The following ROPN1B variants were observed in gnomAD, a reference collection of about 807,000 sequenced individuals.
ROPN1B encodes rhophilin associated tail protein 1B, also known as ropporin-1B.
In ROPN1B, 13 loss-of-function variants were observed where a neutral mutation model predicts 23.7. The ratio of observed to expected loss-of-function variants is 0.55; its 90% confidence interval spans 0.36 to 0.87. ROPN1B has a LOEUF of 0.87. Among genes scored for constraint, ROPN1B ranks in the 40% least tolerant of loss-of-function variants. The probability of loss-of-function intolerance (pLI) is 0.01; values close to 1 mark genes in which losing one functional copy is unlikely to be tolerated. For missense variants in ROPN1B, 183 were observed against 249.2 expected, an observed-to-expected ratio of 0.73 and a Z score of 1.79; for synonymous variants, 67 against 100.4, an observed-to-expected ratio of 0.67 and a Z score of 1.99.
Position 125,983,411 on chromosome 3 carries a change from G to A in ROPN1B, c.*91G>A. 1.2e-6 allele frequency: 1 copy of A among 819,084 alleles called. No homozygotes were observed. Among genetic ancestry groups the A allele is most frequent in the South Asian group, 1.4e-5 (1 of 70,896 alleles). 50.7% of individuals were successfully genotyped at this position (819,084 alleles called of 1,614,324 possible). A position where few individuals can be genotyped will look rare whatever the true frequency, so the allele number is the denominator to read the frequency against. The stretch of plus-strand genomic sequence containing the variant: ...TATACCACCTAAAATCAATTTTCTT[G>A]TACAACTGGTACACACTAATAAACA... On this transcript the variant is annotated 3_prime_UTR_variant, in exon 7 of 7. Transcript: ENST00000514116.
rs776279461 is a variant in ROPN1B at position 125,977,164 on chromosome 3, T to C, written c.395T>C (p.Val132Ala). ...GCCCTTGCTTGCAGCGCTCTGGGAG[T>C]TGTAAGTTAGCTTGACTGTTTTTTG... is the stretch of plus-strand genomic sequence containing the variant. Reference protein sequence around the residue: ...FLALACSALGVTITKTLKIVC... With the variant: ...FLALACSALGATITKTLKIVC... Residue 132 changes from valine (V) to alanine (A), a missense_variant and splice_region_variant, in exon 5 of 7, where the codon GTT becomes GCT. Val to Ala is a moderately conservative substitution (Grantham distance 64). This residue lies in a region of ROPN1B where 80 missense variants were observed against 98.0 expected (regional missense o/e 0.82). Transcript: ENST00000514116. 21 of 1,153,440 alleles carry C rather than the reference T, an allele frequency of 1.8e-5. No individual in the cohort carries two copies. In the East Asian group the frequency reaches 4.9e-4, roughly 27 times the overall value. The allele number at this position is 1,153,440 out of a possible 1,614,324, so 71.5% of individuals were successfully genotyped here. A position where few individuals can be genotyped will look rare whatever the true frequency, so the allele number is the denominator to read the frequency against.
At chr3:125,969,697 C>A (rs1206841124) in intron 1 of ROPN1B, 1 of 152,186 alleles carries the variant, frequency 6.6e-6, no homozygotes, top group African/African-American at 2.4e-5. Flanking sequence ...AGCCCTCCAC[C>A]GAGGAGCCAC....
chr3:125,974,355 G>A (rs909867500), intron 3 of ROPN1B, among the ~76,000 whole-genome samples: 5 of 151,638 alleles, frequency 3.3e-5, no homozygotes, highest in East Asian at 1.9e-4. Flanking sequence ...AGTGGTGACC[G>A]GCAGTTACTC....
chr3:125,981,467 C>G (rs1353522327), intron 5 of ROPN1B, among the ~76,000 whole-genome samples: 2 of 152,134 alleles, frequency 1.3e-5, no homozygotes, highest in Non-Finnish European at 2.9e-5. Flanking sequence ...CCGTACATCA[C>G]CAGTTTCAGT....
intron 3 of ROPN1B, among the ~76,000 whole-genome samples, chr3:125,974,534 C>G (rs1938336482): frequency 6.6e-6 from 1 of 152,160 alleles, no homozygotes; most frequent in African/African-American, 2.4e-5. Context: ...AAAAGCAGGG[C>G]GGAACAGAAA....
At chr3:125,977,216 G>A (rs1938449019) in intron 5 of ROPN1B, 51 bp downstream of exon 5, 1 of 650,010 alleles carries the variant, frequency 1.5e-6, no homozygotes, top group African/African-American at 1.9e-5. Flanking sequence ...CTCCCTCTGG[G>A]CCTGGAAGGG....
intron 5 of ROPN1B, among the ~76,000 whole-genome samples, chr3:125,980,658 T>G (rs1185210194): frequency 6.6e-6 from 1 of 152,168 alleles, no homozygotes; most frequent in Non-Finnish European, 1.5e-5. Context: ...CTTTGACATA[T>G]GAATTTTAGG....
At chr3:125,981,020 C>A (rs1302020167) in intron 5 of ROPN1B, among the ~76,000 whole-genome samples, 4 of 150,916 alleles carry the variant, frequency 2.7e-5, no homozygotes. Flanking sequence ...AGGTGGCCTG[C>A]CTCAAACTCA....
In ROPN1B at chr3:125,979,425, G is replaced by A. The variant is rs1410030621; in HGVS notation, c.396+2260G>A. 2.0e-5 allele frequency among the ~76,000 whole-genome samples: 3 copies of A among 152,098 alleles called. No individual in the cohort carries two copies. In the East Asian group the frequency reaches 5.8e-4, roughly 29 times the overall value. On this transcript the variant is annotated intron_variant, in intron 5 of 6. Coordinates refer to ENST00000514116, the MANE Select transcript of ROPN1B (RefSeq NM_001308313.2). ...AGTAGGGCCTCTGGGAGTTGATTAG[G>A]TCATGAGGGTGGAGCCCTCATGAAT... is the stretch of plus-strand genomic sequence containing the variant.
chr3:125,978,565 G>A (rs1239687049), intron 5 of ROPN1B, among the ~76,000 whole-genome samples: 1 of 152,214 alleles, frequency 6.6e-6, no homozygotes, highest in Non-Finnish European at 1.5e-5. Context: ...GGACCACAGA[G>A]CAGTCGTTTC....
At chr3:125,974,421 C>T (rs377763399) in intron 3 of ROPN1B, among the ~76,000 whole-genome samples, 2 of 152,186 alleles carry the variant, frequency 1.3e-5, no homozygotes, top group African/African-American at 2.4e-5. Flanking sequence ...GACAGGCAAT[C>T]GTTAGCCCAT....
In ROPN1B at chr3:125,977,166, G is replaced by GT; in HGVS notation, c.396+2dup. 1 of 1,136,686 alleles carries GT rather than the reference G, an allele frequency of 8.8e-7. No individual in the cohort carries two copies. Among genetic ancestry groups the GT allele is most frequent in the Non-Finnish European group, 1.3e-6 (1 of 764,004 alleles). The allele number at this position is 1,136,686 out of a possible 1,614,324, so 70.4% of individuals were successfully genotyped here. A position where few individuals can be genotyped will look rare whatever the true frequency, so the allele number is the denominator to read the frequency against. On this transcript the variant is annotated splice_donor_variant, in intron 5 of 6. Coordinates refer to ENST00000514116, the MANE Select transcript of ROPN1B (RefSeq NM_001308313.2). LOFTEE classifies it high-confidence loss of function. ...CCTTGCTTGCAGCGCTCTGGGAGTT[G>GT]TAAGTTAGCTTGACTGTTTTTTGTT...
At chr3:125,972,528 C>T in intron 3 of ROPN1B, 1 of 485,486 alleles carries the variant, frequency 2.1e-6, no homozygotes, top group Non-Finnish European at 3.6e-6. Context: ...CTGGGAATCT[C>T]CGCAGCTTAA....
intron 1 of ROPN1B, 49 bp from the exon 2 acceptor site, chr3:125,971,068 C>T (rs1389004283): frequency 1.3e-5 from 2 of 153,628 alleles, no homozygotes; most frequent in Non-Finnish European, 2.9e-5. Flanking sequence ...TTAGTCCAGA[C>T]ATTTGCCTTT....
chr3:125,971,866 A>G (rs1304416405), intron 2 of ROPN1B, among the ~76,000 whole-genome samples, 177 bp from the exon 3 acceptor site: 1 of 152,218 alleles, frequency 6.6e-6, no homozygotes, highest in African/African-American at 2.4e-5. Flanking sequence ...TTACAACAAA[A>G]AGTAGGGGTT....
chr3:125,981,569 G>C (rs531872742), intron 5 of ROPN1B, among the ~76,000 whole-genome samples: 1 of 152,274 alleles, frequency 6.6e-6, no homozygotes, highest in Non-Finnish European at 1.5e-5. Flanking sequence ...GACATGAGAT[G>C]AGTTCTGAGC....
At chr3:125,972,207 CGGGCGGGGAGA>C in intron 3 of ROPN1B, 37 bp downstream of exon 3, 1 of 1,604,932 alleles carries the variant, frequency 6.2e-7, no homozygotes, top group African/African-American at 1.3e-5. Flanking sequence ...TCTTGGAGGA[CGGGCGGGGAGA>C]GAGGGTCCTG....
intron 5 of ROPN1B, among the ~76,000 whole-genome samples, chr3:125,980,463 G>A (rs1484181745): frequency 1.3e-5 from 2 of 152,220 alleles, no homozygotes; most frequent in Non-Finnish European, 2.9e-5. Flanking sequence ...CTTCTGAGAC[G>A]TTTCTCCTTG....
At chr3:125,975,817 G>C (rs1378173773) in intron 4 of ROPN1B, 137 bp downstream of exon 4, 4 of 700,742 alleles carry the variant, frequency 5.7e-6, no homozygotes, top group African/African-American at 5.3e-5. Context: ...ACCGTGGACT[G>C]AAAGTAAATC....
Sources: allele counts gnomAD v4.1 joint callset (sites outside exome capture counted in the v4.1 genomes callset), GRCh38; gene constraint gnomAD v4.1.1; regional missense constraint gnomAD v4.1.1; transcripts MANE v1.5; gene names NCBI Gene and HGNC (gene_info 2026-07-23, HGNC 2026-07-21).